Variants in RALGPS1 observed in about 807,000 individuals in gnomAD.
RALGPS1 encodes Ral GEF with PH domain and SH3 binding motif 1.
A neutral mutation model predicts 78.8 loss-of-function variants in RALGPS1; 19 were observed. The ratio of observed to expected loss-of-function variants is 0.24; its 90% CI spans 0.17 to 0.35. RALGPS1 has a LOEUF of 0.35. Among genes scored for constraint, RALGPS1 ranks in the 10% least tolerant of loss-of-function variants. The pLI is 1.00. For synonymous variants in RALGPS1, 228 were observed against 256.3 expected (o/e 0.89, Z 1.06); for missense variants, 454 against 688.3 (o/e 0.66, Z 3.81).
At chr9:126,992,372 C>CA (rs1274829939) in intron 4 of RALGPS1, among the ~76,000 whole-genome samples, 1 of 152,164 alleles carries the variant, frequency 6.6e-6, no homozygotes, top group Non-Finnish European at 1.5e-5. Flanking sequence ...CCCATCACCC[C>CA]AAAAATTTTT....
chr9:127,206,294 G>A (rs2061927848), intron 14 of RALGPS1, among the ~76,000 whole-genome samples: 1 of 152,214 alleles, frequency 6.6e-6, no homozygotes, highest in Non-Finnish European at 1.5e-5. Context: ...TTCTCACGCT[G>A]CTAATGAAGA....
At chr9:126,997,535 A>G (rs1015351922) in intron 4 of RALGPS1, among the ~76,000 whole-genome samples, 7 of 152,146 alleles carry the variant, frequency 4.6e-5, no homozygotes, top group African/African-American at 1.4e-4. Context: ...CAAACAAATG[A>G]AAGAACATTC....
intron 13 of RALGPS1, among the ~76,000 whole-genome samples, 182 bp downstream of exon 13, chr9:127,196,813 T>A (rs1203049408): frequency 6.6e-6 from 1 of 152,206 alleles, no homozygotes; most frequent in Non-Finnish European, 1.5e-5. Context: ...GGGAAACCCT[T>A]GTCTCCTAGC....
In RALGPS1 at chr9:126,958,126, T is replaced by TAAAA. The variant is rs11290290; in HGVS notation, c.-65-4085_-65-4082dup. On this transcript the variant is annotated intron_variant, in intron 1 of 18. Transcript: ENST00000259351. ...AAACTGGGAAACAGAGCTGTCTCTT[T>TAAAA]AAAAAAAAAAAAAAAAATATATATA... 5.9e-4 allele frequency among the ~76,000 whole-genome samples: 46 copies of TAAAA among 77,540 alleles called. No homozygotes were observed. The East Asian group carries it at 6.0e-3, about 10-fold the overall frequency. 50.9% of individuals were successfully genotyped at this position (77,540 alleles called of 152,430 possible). A position where few individuals can be genotyped will look rare whatever the true frequency, so the allele number is the denominator to read the frequency against.
At chr9:126,970,989 A>G (rs1454394982) in intron 3 of RALGPS1, among the ~76,000 whole-genome samples, 1 of 152,238 alleles carries the variant, frequency 6.6e-6, no homozygotes, top group Non-Finnish European at 1.5e-5. Context: ...ATGAGATGAC[A>G]GAACTTAGGG....
At chr9:127,011,937 C>T (rs993530206) in intron 4 of RALGPS1, among the ~76,000 whole-genome samples, 5 of 152,158 alleles carry the variant, frequency 3.3e-5, no homozygotes, top group African/African-American at 9.7e-5. Flanking sequence ...GATCCATAAA[C>T]GCAAGCACCA....
At chr9:127,039,787 G>C (rs547804877) in intron 5 of RALGPS1, among the ~76,000 whole-genome samples, 22 of 152,272 alleles carry the variant, frequency 1.4e-4, no homozygotes, top group African/African-American at 3.8e-4. Flanking sequence ...GGGAGGGAAA[G>C]GGGGAAGGAG....
At chr9:127,189,113 C>G (rs1395766219) in intron 11 of RALGPS1, among the ~76,000 whole-genome samples, 1 of 151,670 alleles carries the variant, frequency 6.6e-6, no homozygotes, top group Non-Finnish European at 1.5e-5. Flanking sequence ...ACAGAACTCT[C>G]TTCCACCTTG....
chr9:126,944,828 AG>A lies in RALGPS1; in HGVS notation c.-65-17396del, dbSNP rs1196886816. 6.6e-5 allele frequency among the ~76,000 whole-genome samples: 10 copies of A among 152,132 alleles called. No homozygotes were observed. In the East Asian group the frequency reaches 1.9e-3, roughly 29 times the overall value. On this transcript the variant is annotated intron_variant, in intron 1 of 18. Coordinates refer to ENST00000259351, the MANE Select transcript of RALGPS1 (RefSeq NM_014636.3). ...TTCAGGATCCAGTCTAGGGTCCCTCAGTGCATTCAGCCATTGAGTCTCATCA... is the reference window on the plus strand; with the variant it reads ...TTCAGGATCCAGTCTAGGGTCCCTCATGCATTCAGCCATTGAGTCTCATCA...
intron 8 of RALGPS1, among the ~76,000 whole-genome samples, chr9:127,120,775 C>T (rs983289229): frequency 1.3e-5 from 2 of 151,910 alleles, no homozygotes; most frequent in African/African-American, 4.8e-5. Flanking sequence ...TTGCAGTGAG[C>T]CGAGATCATG....
chr9:127,046,523 C>T (rs1564477063), intron 5 of RALGPS1, among the ~76,000 whole-genome samples: 1 of 152,066 alleles, frequency 6.6e-6, no homozygotes, highest in African/African-American at 2.4e-5. Context: ...TTCGATTCCT[C>T]CAAACAATGT....
chr9:127,020,342 T>G (rs1476208683), intron 4 of RALGPS1, among the ~76,000 whole-genome samples: 1 of 152,174 alleles, frequency 6.6e-6, no homozygotes, highest in Non-Finnish European at 1.5e-5. Flanking sequence ...CTTCCAAAAA[T>G]TTCATTTTGT....
chr9:127,030,612 G>C (rs530209869), intron 4 of RALGPS1, among the ~76,000 whole-genome samples: 5 of 152,212 alleles, frequency 3.3e-5, no homozygotes, highest in South Asian at 2.1e-4. Context: ...GCAGGAGCTG[G>C]AGGGGACAGG....
intron 1 of RALGPS1, among the ~76,000 whole-genome samples, chr9:126,945,324 G>A (rs909846361): frequency 1.3e-5 from 2 of 151,940 alleles, no homozygotes; most frequent in Admixed American, 1.3e-4. Context: ...TCAGCCTCCC[G>A]AGTAGCTGGG....
intron 7 of RALGPS1, among the ~76,000 whole-genome samples, chr9:127,054,003 G>A (rs1262689626): frequency 1.3e-5 from 2 of 152,200 alleles, no homozygotes; most frequent in Non-Finnish European, 2.9e-5. Flanking sequence ...TGGAGTCCCA[G>A]GGGTTCCTTA....
In RALGPS1 at chr9:127,212,758, C is replaced by G. The variant is rs758494931; in HGVS notation, c.1446+39C>G. Reference sequence around the variant, plus strand: ...AAGGACTCTAGTGCTGGGACTTCCTCTAGTGGGGAAGGGACCTCTGTGAAC... The same window carrying G: ...AAGGACTCTAGTGCTGGGACTTCCTGTAGTGGGGAAGGGACCTCTGTGAAC... On this transcript the variant is annotated intron_variant, in intron 16 of 18. Coordinates refer to ENST00000259351, the MANE Select transcript of RALGPS1 (RefSeq NM_014636.3). This position sits in a 1 kb window ranked among gnomAD's most constrained non-coding sequence, Gnocchi z 6.0. 2 of 1,562,180 alleles carry G rather than the reference C, an allele frequency of 1.3e-6. No homozygotes were observed. The highest frequency in any genetic ancestry group is 2.3e-5 in the East Asian group (1 of 44,098).
chr9:127,030,175 G>A (rs897181835), intron 4 of RALGPS1, among the ~76,000 whole-genome samples: 3 of 152,146 alleles, frequency 2.0e-5, no homozygotes, highest in Admixed American at 6.5e-5. Context: ...AGAAGGTATG[G>A]CCAGGAGGCA....
At chr9:126,991,804 T>A (rs1214486566) in intron 4 of RALGPS1, among the ~76,000 whole-genome samples, 1 of 152,226 alleles carries the variant, frequency 6.6e-6, no homozygotes, top group Non-Finnish European at 1.5e-5. Context: ...AGAATGGACC[T>A]CGCACATGGC....
At chr9:127,193,869 C>T (rs1355145742) in intron 11 of RALGPS1, among the ~76,000 whole-genome samples, 1 of 152,194 alleles carries the variant, frequency 6.6e-6, no homozygotes, top group African/African-American at 2.4e-5. Flanking sequence ...CAGGGCCTGA[C>T]CCAGATAGCC....
Sources: allele counts gnomAD v4.1 joint callset (sites outside exome capture counted in the v4.1 genomes callset), GRCh38; gene constraint gnomAD v4.1.1; non-coding constraint Gnocchi (gnomAD v3.1); transcripts MANE v1.5; gene names NCBI Gene and HGNC (gene_info 2026-07-23, HGNC 2026-07-21).